ADAMTS20: variants seen among roughly 807,000 people sequenced by gnomAD.
The protein encoded by ADAMTS20 is A disintegrin and metalloproteinase with thrombospondin motifs 20.
In ADAMTS20, 225 loss-of-function variants were observed where a neutral mutation model predicts 260.1. The ratio of observed to expected loss-of-function variants is 0.87; its 90% CI spans 0.78 to 0.97. ADAMTS20 has a LOEUF of 0.97. Among genes scored for constraint, ADAMTS20 ranks in the 50% least tolerant of loss-of-function variants. The probability of loss-of-function intolerance (pLI) is 0.00; values close to 1 mark genes in which losing one functional copy is unlikely to be tolerated. For synonymous variants in ADAMTS20, 802 were observed against 769.5 expected (o/e 1.04, Z -0.70); for missense variants, 2,400 against 2,337.7 (o/e 1.03, Z -0.55).
intron 7 of ADAMTS20, among the ~76,000 whole-genome samples, chr12:43,470,700 T>C (rs185945749): frequency 1.4e-3 from 208 of 152,294 alleles, no homozygotes; most frequent in African/African-American, 4.9e-3. Flanking sequence ...GCAACATATT[T>C]TGCAAAACAT....
At chr12:43,461,693 T>C (rs1592081512) in intron 11 of ADAMTS20, among the ~76,000 whole-genome samples, 1 of 152,110 alleles carries the variant, frequency 6.6e-6, no homozygotes, top group African/African-American at 2.4e-5. Context: ...AAAAGATTTT[T>C]TTTCCTCTGC....
chr12:43,359,566 T>A (rs951692711), intron 37 of ADAMTS20, among the ~76,000 whole-genome samples: 1 of 152,156 alleles, frequency 6.6e-6, no homozygotes, highest in Non-Finnish European at 1.5e-5. Flanking sequence ...AAAAGAAGAA[T>A]GAAGCTGGAG....
Position 43,530,646 on chromosome 12 carries a change from T to C in ADAMTS20, c.613+1390A>G, listed in dbSNP as rs368020697. Among the ~76,000 whole-genome samples, 11 of 152,236 alleles carry C rather than the reference T, an allele frequency of 7.2e-5. No homozygotes were observed. In the South Asian group the frequency reaches 1.7e-3, roughly 23 times the overall value. On this transcript the variant is annotated intron_variant, in intron 3 of 38. Coordinates refer to ENST00000389420, the MANE Select transcript of ADAMTS20 (RefSeq NM_025003.5). ...AATAAATCCTTGCTAATCCCACCCT[T>C]TTGTCTAGATTTTGTACTTTGATGG...
intron 7 of ADAMTS20, among the ~76,000 whole-genome samples, chr12:43,482,037 C>T (rs1942450126): frequency 6.6e-6 from 1 of 152,074 alleles, no homozygotes; most frequent in Non-Finnish European, 1.5e-5. Context: ...TAACCCTACC[C>T]AGTGCTGCAG....
At chr12:43,476,908 G>A (rs1434956483) in intron 7 of ADAMTS20, among the ~76,000 whole-genome samples, 1 of 150,320 alleles carries the variant, frequency 6.7e-6, no homozygotes, top group African/African-American at 2.5e-5. Context: ...TGACGAGTTA[G>A]TGGGTGCAGC....
intron 29 of ADAMTS20, among the ~76,000 whole-genome samples, chr12:43,396,481 A>G (rs1440751270): frequency 6.6e-6 from 1 of 152,154 alleles, no homozygotes; most frequent in African/African-American, 2.4e-5. Flanking sequence ...GACAGCTTGC[A>G]ATTGTTAACT....
At chr12:43,461,771 A>G (rs1942069255) in intron 11 of ADAMTS20, among the ~76,000 whole-genome samples, 1 of 152,176 alleles carries the variant, frequency 6.6e-6, no homozygotes, top group Non-Finnish European at 1.5e-5. Flanking sequence ...AATACTAGTC[A>G]CAGGAACCGA....
At chr12:43,394,548 A>T (rs1169323408) in intron 29 of ADAMTS20, among the ~76,000 whole-genome samples, 1 of 152,126 alleles carries the variant, frequency 6.6e-6, no homozygotes, top group Non-Finnish European at 1.5e-5. Flanking sequence ...TTTCACATTT[A>T]TGCAACAGAC....
At chr12:43,508,634 A>C (rs1033787258) in intron 3 of ADAMTS20, among the ~76,000 whole-genome samples, 1 of 152,162 alleles carries the variant, frequency 6.6e-6, no homozygotes, top group Non-Finnish European at 1.5e-5. Context: ...TTTTGTAGGT[A>C]CATAGCAGGT....
intron 4 of ADAMTS20, among the ~76,000 whole-genome samples, chr12:43,499,552 G>A (rs1380717590): frequency 2.7e-5 from 4 of 146,770 alleles, no homozygotes; most frequent in Admixed American, 6.9e-5. Context: ...GCAGTGGCAC[G>A]ATCTCGGCTG....
intron 3 of ADAMTS20, among the ~76,000 whole-genome samples, chr12:43,504,847 A>G (rs1279132136): frequency 2.0e-5 from 3 of 152,220 alleles, no homozygotes; most frequent in African/African-American, 7.2e-5. Flanking sequence ...TCTACCTACC[A>G]GAATGACTAA....
intron 28 of ADAMTS20, among the ~76,000 whole-genome samples, chr12:43,400,511 A>G (rs1227231600): frequency 6.6e-6 from 1 of 151,958 alleles, no homozygotes; most frequent in Non-Finnish European, 1.5e-5. Flanking sequence ...TAATACAGCC[A>G]TTCCATGCTG....
intron 37 of ADAMTS20, among the ~76,000 whole-genome samples, chr12:43,357,118 T>C (rs1036359315): frequency 1.3e-5 from 2 of 152,188 alleles, no homozygotes; most frequent in Admixed American, 6.5e-5. Context: ...TGCAGGACCA[T>C]TTTTATGTCA....
intron 14 of ADAMTS20, among the ~76,000 whole-genome samples, chr12:43,452,032 A>G (rs1406936934): frequency 6.6e-6 from 1 of 152,088 alleles, no homozygotes; most frequent in Admixed American, 6.6e-5. Context: ...TATGAGTACA[A>G]TAGACCACAG....
intron 3 of ADAMTS20, among the ~76,000 whole-genome samples, chr12:43,526,112 T>C (rs1431304194): frequency 6.6e-6 from 1 of 152,308 alleles, no homozygotes; most frequent in East Asian, 1.9e-4. Context: ...TTTTCTAAGA[T>C]AGACCATATG....
chr12:43,538,631 T>C (rs1225024128), intron 2 of ADAMTS20, among the ~76,000 whole-genome samples: 1 of 152,214 alleles, frequency 6.6e-6, no homozygotes, highest in Non-Finnish European at 1.5e-5. Flanking sequence ...TGTTTTCTTG[T>C]AGTAGTTTAA....
intron 23 of ADAMTS20, among the ~76,000 whole-genome samples, chr12:43,430,035 T>C (rs748624990): frequency 6.6e-6 from 1 of 151,822 alleles, no homozygotes; most frequent in African/African-American, 2.4e-5. Context: ...AAAAACACAA[T>C]ACACTTTAGG....
In ADAMTS20 at chr12:43,383,625, G is replaced by C. The variant is rs913815255; in HGVS notation, c.4730C>G (p.Ser1577Cys). 2 of 1,613,812 alleles carry C rather than the reference G, an allele frequency of 1.2e-6. No homozygotes were observed. The highest frequency in any genetic ancestry group is 1.7e-6 in the Non-Finnish European group (2 of 1,179,824). ...NEIVYNSSTISLTSKNCRNPP... is the reference protein window; with the variant it reads ...NEIVYNSSTICLTSKNCRNPP... ...GTTCCTGCAATTCTTGGATGTAAGA[G>C]ATATGGTTGAAGAATTATAGACTAT... Residue 1577 changes from serine to cysteine, a missense_variant, in exon 31 of 39, where the codon TCT (serine) becomes TGT (cysteine). Ser to Cys is a moderately radical substitution (Grantham distance 112). Transcript: ENST00000389420.
At chr12:43,448,593 T>C (rs1941805095) in intron 14 of ADAMTS20, among the ~76,000 whole-genome samples, 2 of 152,180 alleles carry the variant, frequency 1.3e-5, no homozygotes, top group African/African-American at 4.8e-5. Context: ...AAAGATTTCA[T>C]GATGAAGACA....
Sources: allele counts gnomAD v4.1 joint callset (sites outside exome capture counted in the v4.1 genomes callset), GRCh38; gene constraint gnomAD v4.1.1; transcripts MANE v1.5; gene names NCBI Gene and HGNC (gene_info 2026-07-23, HGNC 2026-07-21).